Variants in GRM7 observed in about 807,000 individuals in gnomAD.
GRM7 encodes metabotropic glutamate receptor 7.
In GRM7, 35 loss-of-function variants were observed where a neutral mutation model predicts 84.5. That is an observed-to-expected ratio of 0.41 (90% confidence interval 0.32 to 0.55). The LOEUF (loss-of-function observed/expected upper bound fraction) is 0.55. GRM7 is among the 20% of genes least tolerant of loss of function. GRM7 has a pLI of 0.19. For synonymous variants in GRM7, 487 were observed against 455.1 expected, an observed-to-expected ratio of 1.07 and a Z score of -0.89; for missense variants, 1,003 against 1,194.6, an observed-to-expected ratio of 0.84 and a Z score of 2.36.
intron 3 of GRM7, among the ~76,000 whole-genome samples, chr3:7,302,737 A>G (rs1309748966): frequency 6.6e-6 from 1 of 151,912 alleles, no homozygotes; most frequent in African/African-American, 2.4e-5. Context: ...TGGAAATCAA[A>G]CTAAGTATAT....
chr3:6,920,330 G>C (rs1697081477), intron 1 of GRM7, among the ~76,000 whole-genome samples: 1 of 152,038 alleles, frequency 6.6e-6, no homozygotes, highest in Non-Finnish European at 1.5e-5. Flanking sequence ...CGAGGCGAGA[G>C]GATTACTTGA....
chr3:7,579,149 A>G lies in GRM7; in HGVS notation c.2243A>G (p.Lys748Arg), dbSNP rs1160624690. The G allele has an allele frequency of 6.2e-7, 1 of 1,613,740 alleles. No homozygotes were observed. The highest frequency in any genetic ancestry group is 2.2e-5 in the East Asian group (1 of 44,870). Residue 748 changes from lysine to arginine, a missense_variant, in exon 8 of 10, where the codon AAG becomes AGG. Lys to Arg is a conservative substitution (Grantham distance 26). Coordinates refer to ENST00000357716, the MANE Select transcript of GRM7 (RefSeq NM_000844.4). The stretch of plus-strand genomic sequence containing the variant: ...CCTGAGCAAGCCAGAGGGGTTCTCA[A>G]GTGTGACATTACAGATCTCCAAATC... Reference protein sequence around the residue: ...MNPEQARGVLKCDITDLQIIC... With the variant: ...MNPEQARGVLRCDITDLQIIC...
intron 1 of GRM7, among the ~76,000 whole-genome samples, chr3:6,901,010 A>T (rs1696362234): frequency 2.0e-5 from 3 of 152,136 alleles, no homozygotes; most frequent in Admixed American, 2.0e-4. Context: ...AAAAACTGGA[A>T]AATAGTTTTC....
At chr3:7,223,010 C>CT (rs565133006) in intron 2 of GRM7, among the ~76,000 whole-genome samples, 8 of 152,230 alleles carry the variant, frequency 5.3e-5, no homozygotes, top group African/African-American at 1.9e-4. Context: ...TGTTACTAAA[C>CT]TAATGTTGGA....
chr3:7,027,492 T>G (rs1160106833), intron 1 of GRM7, among the ~76,000 whole-genome samples: 1 of 152,218 alleles, frequency 6.6e-6, no homozygotes, highest in Non-Finnish European at 1.5e-5. Context: ...CTCATTTATG[T>G]CATTTCATTA....
intron 1 of GRM7, among the ~76,000 whole-genome samples, chr3:6,981,435 T>C (rs1406670560): frequency 6.6e-6 from 1 of 152,134 alleles, no homozygotes; most frequent in African/African-American, 2.4e-5. Context: ...GAAATGAGGC[T>C]CCATGAGTAT....
chr3:7,166,153 G>T (rs1694791544), intron 2 of GRM7, among the ~76,000 whole-genome samples: 1 of 152,148 alleles, frequency 6.6e-6, no homozygotes, highest in Admixed American at 6.5e-5. Context: ...TCTCCTCTTT[G>T]TACGGAGAGC....
intron 1 of GRM7, among the ~76,000 whole-genome samples, chr3:6,953,050 T>C (rs1692856398): frequency 6.6e-6 from 1 of 152,200 alleles, no homozygotes; most frequent in Admixed American, 6.5e-5. Context: ...ACAACAGTTC[T>C]CTATATTTTA....
intron 2 of GRM7, among the ~76,000 whole-genome samples, chr3:7,268,200 A>G (rs1698717434): frequency 6.6e-6 from 1 of 152,180 alleles, no homozygotes; most frequent in Non-Finnish European, 1.5e-5. Flanking sequence ...TGGTTCAGAG[A>G]GAATCCAAAG....
chr3:7,525,064 A>G (rs187374727), intron 7 of GRM7, among the ~76,000 whole-genome samples: 2,289 of 149,998 alleles, frequency 0.015, 31 homozygotes, highest in Non-Finnish European at 0.019. Flanking sequence ...GAATTGAACA[A>G]TGAGAACACA....
At chr3:7,683,454 G>A (rs931818872) in intron 9 of GRM7, among the ~76,000 whole-genome samples, 2 of 152,076 alleles carry the variant, frequency 1.3e-5, no homozygotes, top group Non-Finnish European at 2.9e-5. Flanking sequence ...TAGCTCTTTG[G>A]TTATTGTGTA....
intron 7 of GRM7, among the ~76,000 whole-genome samples, chr3:7,572,702 G>GTCCT (rs978324094): frequency 6.7e-6 from 1 of 149,852 alleles, no homozygotes; most frequent in Admixed American, 6.7e-5. Flanking sequence ...GGTGCCTGTA[G>GTCCT]TCCTAGCTAC....
chr3:7,410,867 A>T (rs557085443), intron 4 of GRM7, among the ~76,000 whole-genome samples: 2 of 152,272 alleles, frequency 1.3e-5, no homozygotes, highest in South Asian at 4.1e-4. Context: ...AACATAAAAA[A>T]TGGCTACAAA....
At position 7,482,097 on chromosome 3, in the gene GRM7, A is replaced by G. The variant is rs376436274; in HGVS notation, c.1515+20375A>G. ...CAGCTACCTGGGAGGCTGAGGCAGG[A>G]GAATGGCGTGAACCCAGGAGGCGGA... On this transcript the variant is annotated intron_variant, in intron 7 of 9. Transcript: ENST00000357716. 6.7e-4 allele frequency among the ~76,000 whole-genome samples: 102 copies of G among 152,314 alleles called. 1 individual carries two copies. The South Asian group carries it at 0.018, about 27-fold the overall frequency.
intron 2 of GRM7, among the ~76,000 whole-genome samples, chr3:7,207,593 G>C (rs563566172): frequency 2.6e-5 from 4 of 152,212 alleles, no homozygotes; most frequent in South Asian, 4.1e-4. Flanking sequence ...AGATACAAGG[G>C]GAGAGAGAAG....
chr3:7,181,937 TA>T (rs1406832776), intron 2 of GRM7, among the ~76,000 whole-genome samples: 1 of 152,114 alleles, frequency 6.6e-6, no homozygotes, highest in East Asian at 1.9e-4. Context: ...ACATAGAACT[TA>T]AAAAAGAAGT....
At chr3:7,608,095 G>T (rs986686278) in intron 8 of GRM7, 10 of 300,732 alleles carry the variant, frequency 3.3e-5, no homozygotes, top group Admixed American at 1.7e-4. Context: ...GTATTCCATG[G>T]TGTGTATGTA....
intron 1 of GRM7, among the ~76,000 whole-genome samples, chr3:7,051,106 C>T (rs1046767685): frequency 2.0e-5 from 3 of 151,696 alleles, no homozygotes; most frequent in African/African-American, 7.2e-5. Flanking sequence ...GGGATCACTG[C>T]TTGAATTAAA....
At chr3:6,967,549 C>A (rs1575077969) in intron 1 of GRM7, among the ~76,000 whole-genome samples, 1 of 152,268 alleles carries the variant, frequency 6.6e-6, no homozygotes, top group South Asian at 2.1e-4. Flanking sequence ...TATCTTCTTA[C>A]TTTATCATTA....
Sources: allele counts gnomAD v4.1 joint callset (sites outside exome capture counted in the v4.1 genomes callset), GRCh38; gene constraint gnomAD v4.1.1; transcripts MANE v1.5; gene names NCBI Gene and HGNC (gene_info 2026-07-23, HGNC 2026-07-21).